DST: variants seen among roughly 807,000 people sequenced by gnomAD.
DST encodes bullous pemphigoid antigen.
DST carries 253 observed loss-of-function variants against 875.2 expected under a neutral mutation model. The ratio of observed to expected loss-of-function variants is 0.29; its 90% CI spans 0.26 to 0.32. DST has a LOEUF of 0.32. DST is among the 10% of genes least tolerant of loss of function. The pLI is 1.00. For missense variants in DST, 8,287 were observed against 9,111.6 expected, an observed-to-expected ratio of 0.91 and a Z score of 3.68; for synonymous variants, 3,124 against 3,197.1, an observed-to-expected ratio of 0.98 and a Z score of 0.77.
chr6:56,608,005 T>C lies in DST; in HGVS notation c.6623A>G (p.Asn2208Ser). The C allele has an allele frequency of 6.2e-7, 1 of 1,613,214 alleles. No homozygotes were observed. The highest frequency in any genetic ancestry group is 8.5e-7 in the Non-Finnish European group (1 of 1,179,528). The change falls in exon 40 of 104, where the codon AAT becomes AGT. Residue 2208 changes from asparagine to serine, a missense_variant. Transcript: ENST00000680361. ...KKLFLSYLMI[N>S]SYMDANTGQR... ...CCCTGTGTTTGCATCCATATAGCTATTTATCATTAAATAAGATAGAAATAA... is the reference window on the plus strand; with the variant it reads ...CCCTGTGTTTGCATCCATATAGCTACTTATCATTAAATAAGATAGAAATAA...
chr6:56,503,360 A>G (rs1362883099), intron 78 of DST, among the ~76,000 whole-genome samples: 1 of 152,046 alleles, frequency 6.6e-6, no homozygotes, highest in Non-Finnish European at 1.5e-5. Flanking sequence ...TAGTTATTAT[A>G]TATTTCATGC....
chr6:56,877,509 T>C (rs1436675171), intron 3 of DST, among the ~76,000 whole-genome samples: 3 of 152,198 alleles, frequency 2.0e-5, no homozygotes, highest in African/African-American at 7.2e-5. Context: ...TGAGCAAAGA[T>C]TGTGCCGCTG....
Position 56,701,920 on chromosome 6 carries a change from G to T in DST, c.922C>A (p.Gln308Lys), listed in dbSNP as rs774590701. The change falls in exon 8 of 104, where the codon CAA becomes AAA. Residue 308 changes from glutamine (Q) to lysine (K), a missense_variant. Physicochemically the swap from Gln to Lys is moderately conservative, Grantham distance 53. Around this residue, in one of 10 missense-constraint regions of DST, gnomAD observed 1,160 missense variants for 1,424.3 expected, o/e 0.81. Coordinates refer to ENST00000680361, the MANE Select transcript of DST (RefSeq NM_001374736.1). The stretch of plus-strand genomic sequence containing the variant: ...CTTTTCAAATAGTCAAGTGCAATTT[G>T]TACATTCTGTAGTCTGTGAAAACGC... The part of the protein sequence containing the change: ...RMRFHRLQNV[Q>K]IALDYLKRRQ... 4 of 1,611,400 alleles carry T rather than the reference G, an allele frequency of 2.5e-6. No homozygotes were observed. The highest frequency in any genetic ancestry group is 3.4e-6 in the Non-Finnish European group (4 of 1,178,278).
At chr6:56,867,211 C>T (rs1562229528) in intron 3 of DST, among the ~76,000 whole-genome samples, 1 of 152,210 alleles carries the variant, frequency 6.6e-6, no homozygotes. Context: ...GGACAAACTA[C>T]TTAAACTTTC....
intron 81 of DST, 54 bp downstream of exon 81, chr6:56,497,802 G>A: frequency 2.1e-6 from 3 of 1,425,834 alleles, no homozygotes; most frequent in African/African-American, 1.4e-5. Context: ...AGAATTCCAT[G>A]CTATTTTGGT....
intron 2 of DST, among the ~76,000 whole-genome samples, chr6:56,930,962 C>G (rs1057091327): frequency 6.6e-6 from 1 of 152,158 alleles, no homozygotes; most frequent in Non-Finnish European, 1.5e-5. Flanking sequence ...TATACACAGT[C>G]AGAAATTTGA....
intron 2 of DST, among the ~76,000 whole-genome samples, chr6:56,930,430 A>C (rs1165731537): frequency 6.6e-5 from 10 of 152,224 alleles, no homozygotes; most frequent in Admixed American, 6.5e-4. Context: ...AATGTGTAGG[A>C]ATCTCATGAG....
chr6:56,944,841 G>A (rs541914390), intron 2 of DST, among the ~76,000 whole-genome samples: 1 of 152,290 alleles, frequency 6.6e-6, no homozygotes, highest in East Asian at 1.9e-4. Context: ...GATGGCCTGT[G>A]ACAGTTCTGG....
At chr6:56,493,119 G>A in intron 83 of DST, 30 bp from the exon 84 acceptor site, 1 of 1,584,118 alleles carries the variant, frequency 6.3e-7, no homozygotes, top group South Asian at 1.2e-5. Flanking sequence ...AGTATGTGAT[G>A]TTTAAGGGCC....
At chr6:56,772,677 G>C (rs1008662586) in intron 4 of DST, among the ~76,000 whole-genome samples, 5 of 152,150 alleles carry the variant, frequency 3.3e-5, no homozygotes, top group African/African-American at 1.2e-4. Flanking sequence ...GTTTTCATTA[G>C]AGGATGCCCC....
intron 82 of DST, among the ~76,000 whole-genome samples, chr6:56,495,727 GACA>G (rs1203854248): frequency 5.3e-5 from 8 of 151,646 alleles, no homozygotes; most frequent in Non-Finnish European, 1.2e-4. Context: ...AACCAATAAC[GACA>G]ACAACAAAAA....
Position 56,648,560 on chromosome 6 carries a change from T to C in DST, c.1554+10A>G, listed in dbSNP as rs753557444. 12 of 1,561,862 alleles carry C rather than the reference T, an allele frequency of 7.7e-6. No homozygotes were observed. The highest frequency in any genetic ancestry group is 1.0e-5 in the Non-Finnish European group (12 of 1,150,894). On this transcript the variant is annotated intron_variant, in intron 13 of 103. Coordinates refer to ENST00000680361, the MANE Select transcript of DST (RefSeq NM_001374736.1). ...AATCAATCCTATGTAATTTCTACAG[T>C]GACACTAACCTTCAGTTCTACAGGA... is the stretch of plus-strand genomic sequence containing the variant.
chr6:56,787,220 G>A (rs1484927923), intron 4 of DST, among the ~76,000 whole-genome samples: 1 of 152,206 alleles, frequency 6.6e-6, no homozygotes, highest in Non-Finnish European at 1.5e-5. Flanking sequence ...GAGTTGGTAG[G>A]ATAGACTCTG....
In DST at chr6:56,506,715, C is replaced by T. The variant is rs761750412; in HGVS notation, c.19314G>A (p.Ala6438=). The T allele has an allele frequency of 1.5e-5, 24 of 1,613,450 alleles. No homozygotes were observed. The highest frequency in any genetic ancestry group is 3.3e-4 in the Middle Eastern group (2 of 6,076). The change falls in exon 76 of 104, where the codon GCG becomes GCA. Residue 6438 remains alanine (A), a synonymous_variant. Coordinates refer to ENST00000680361, the MANE Select transcript of DST (RefSeq NM_001374736.1). ...IVINLGSELI[A]ACGEPDKPIV... is the part of the protein sequence containing the mutation. ...TGGGTTTATCAGGCTCCCCACATGC[C>T]GCAATGAGTTCAGAACCTAGGTTAA... is the stretch of plus-strand genomic sequence containing the variant.
At chr6:56,587,809 C>T (rs558779958) in intron 49 of DST, among the ~76,000 whole-genome samples, 9 of 152,080 alleles carry the variant, frequency 5.9e-5, no homozygotes, top group African/African-American at 1.9e-4. Context: ...TCCAGCCAAA[C>T]TAAGCTTCAT....
intron 26 of DST, 34 bp from the exon 27 acceptor site, chr6:56,634,292 T>C: frequency 6.2e-7 from 1 of 1,613,546 alleles, no homozygotes; most frequent in Non-Finnish European, 8.5e-7. Context: ...AGATTAATGT[T>C]TTTACTCCCT....
At chr6:56,822,955 G>A (rs1449940300) in intron 4 of DST, among the ~76,000 whole-genome samples, 1 of 150,976 alleles carries the variant, frequency 6.6e-6, no homozygotes, top group Non-Finnish European at 1.5e-5. Flanking sequence ...TCAGCCTCCC[G>A]AGTAGCTGGG....
At chr6:56,584,755 T>C (rs2098111125) in intron 49 of DST, among the ~76,000 whole-genome samples, 1 of 152,104 alleles carries the variant, frequency 6.6e-6, no homozygotes, top group Admixed American at 6.5e-5. Flanking sequence ...CTTATTATTT[T>C]GAGATACGTC....
At chr6:56,951,189 C>A (rs1822113219) in intron 2 of DST, among the ~76,000 whole-genome samples, 1 of 152,154 alleles carries the variant, frequency 6.6e-6, no homozygotes, top group African/African-American at 2.4e-5. Flanking sequence ...ACTCACTGAA[C>A]TTCTTCATCT....
Sources: gnomAD v4.1 joint callset for allele counts (sites outside exome capture counted in the v4.1 genomes callset) on GRCh38, gnomAD v4.1.1 for gene constraint, gnomAD v4.1.1 regional missense constraint, MANE v1.5 for transcripts, NCBI Gene and HGNC (gene_info 2026-07-23, HGNC 2026-07-21) for gene names.